AGAP1: variants seen among roughly 807,000 people sequenced by gnomAD.
AGAP1 encodes the protein ArfGAP with GTPase domain, ankyrin repeat and PH domain 1.
In AGAP1, 29 loss-of-function variants were observed where a neutral mutation model predicts 105.3. That is an observed-to-expected ratio of 0.28 (90% CI 0.21 to 0.38). The LOEUF is 0.38. Among genes scored for constraint, AGAP1 ranks in the 10% least tolerant of loss-of-function variants. The pLI, the probability that AGAP1 is intolerant of heterozygous loss-of-function variation, is 1.00. For missense variants in AGAP1, 998 were observed against 1,165.1 expected, an observed-to-expected ratio of 0.86 and a Z score of 2.09; for synonymous variants, 509 against 485.9, an observed-to-expected ratio of 1.05 and a Z score of -0.63.
chr2:236,048,152 T>C (rs1406248397), intron 15 of AGAP1, among the ~76,000 whole-genome samples: 1 of 152,216 alleles, frequency 6.6e-6, no homozygotes, highest in Non-Finnish European at 1.5e-5. Context: ...CGTATTTACT[T>C]AACAGTGGTG....
Position 235,740,884 on chromosome 2 carries a change from C to A in AGAP1, c.311-79C>A. 1 of 1,577,076 alleles carries A rather than the reference C, an allele frequency of 6.3e-7. No individual in the cohort carries two copies. The highest frequency in any genetic ancestry group is 8.7e-7 in the Non-Finnish European group (1 of 1,150,536). Reference sequence around the variant, plus strand: ...GGCGACAGCCTAGGGTGTATTTTTCCACAAGCGAAGCCCACGTCTGTCTGC... The same window carrying A: ...GGCGACAGCCTAGGGTGTATTTTTCAACAAGCGAAGCCCACGTCTGTCTGC... On this transcript the variant is annotated intron_variant, in intron 3 of 17. Coordinates refer to ENST00000304032, the MANE Select transcript of AGAP1 (RefSeq NM_001037131.3). This position sits in a 1 kb window ranked among gnomAD's most constrained non-coding sequence, Gnocchi z 5.7.
At chr2:236,019,238 T>TG (rs2056809084) in intron 13 of AGAP1, among the ~76,000 whole-genome samples, 1 of 152,188 alleles carries the variant, frequency 6.6e-6, no homozygotes, top group Non-Finnish European at 1.5e-5. Context: ...GATGCGCCAT[T>TG]GCCTGCGCTG....
At position 235,959,509 on chromosome 2, in the gene AGAP1, G is replaced by C. The variant is rs866082332; in HGVS notation, c.1484-8953G>C. Among the ~76,000 whole-genome samples the C allele has an allele frequency of 6.6e-6, 1 of 152,140 alleles. No individual in the cohort carries two copies. The highest frequency in any genetic ancestry group is 1.9e-4 in the East Asian group (1 of 5,186). On this transcript the variant is annotated intron_variant, in intron 12 of 17. Coordinates refer to ENST00000304032, the MANE Select transcript of AGAP1 (RefSeq NM_001037131.3). The surrounding 1 kb of genome is among the most constrained non-coding windows in gnomAD (Gnocchi z 7.3). ...CTCAGCGCCCAGTGGACGGGAACCC[G>C]GTCCTTCTTGCCATGAGAACACCCA... is the stretch of plus-strand genomic sequence containing the variant.
intron 1 of AGAP1, among the ~76,000 whole-genome samples, chr2:235,522,828 G>A (rs997516722): frequency 1.3e-5 from 2 of 152,144 alleles, no homozygotes; most frequent in Non-Finnish European, 2.9e-5. Flanking sequence ...CTGTTAGAGC[G>A]ATTTGTCCTG....
chr2:235,780,491 G>T (rs1236152337), intron 6 of AGAP1, among the ~76,000 whole-genome samples: 7 of 152,140 alleles, frequency 4.6e-5, no homozygotes, highest in Non-Finnish European at 1.0e-4. Flanking sequence ...AGTGCAGCAA[G>T]CACACCACAG....
At chr2:235,506,488 C>T (rs999017422) in intron 1 of AGAP1, among the ~76,000 whole-genome samples, 1 of 151,430 alleles carries the variant, frequency 6.6e-6, no homozygotes. Flanking sequence ...CACTGCGCTC[C>T]ACCCTGGGTG....
intron 1 of AGAP1, among the ~76,000 whole-genome samples, chr2:235,522,726 G>A (rs925592638): frequency 1.3e-5 from 2 of 152,218 alleles, no homozygotes; most frequent in Non-Finnish European, 2.9e-5. Context: ...CAAGCAAGAT[G>A]GGAGTAAGGG....
At chr2:235,619,854 G>A (rs1166417436) in intron 1 of AGAP1, among the ~76,000 whole-genome samples, 4 of 152,172 alleles carry the variant, frequency 2.6e-5, no homozygotes, top group African/African-American at 9.7e-5. Context: ...CAAGGGCCCT[G>A]TTCTACTTTT....
At chr2:235,694,411 A>G (rs983628087) in intron 1 of AGAP1, among the ~76,000 whole-genome samples, 19 of 150,946 alleles carry the variant, frequency 1.3e-4, no homozygotes, top group Non-Finnish European at 2.7e-4. Flanking sequence ...CACGGGAGGC[A>G]GAGCTTGCAG....
chr2:235,905,102 C>T lies in AGAP1; in HGVS notation c.1156-3636C>T, dbSNP rs1385849489. On this transcript the variant is annotated intron_variant, in intron 10 of 17. Coordinates refer to ENST00000304032, the MANE Select transcript of AGAP1 (RefSeq NM_001037131.3). This position sits in a 1 kb window ranked among gnomAD's most constrained non-coding sequence, Gnocchi z 4.2. The stretch of plus-strand genomic sequence containing the variant: ...GCCGCTTTCGAATCTGGAGAGCAGA[C>T]ACTTGGTACATTTCTATAATAATTT... Among the ~76,000 whole-genome samples, 2 of 151,994 alleles carry T rather than the reference C, an allele frequency of 1.3e-5. No homozygotes were observed. Among genetic ancestry groups the T allele is most frequent in the Non-Finnish European group, 2.9e-5 (2 of 68,004 alleles).
rs1044483381 is a variant in AGAP1 at position 235,994,806 on chromosome 2, C to T, written c.1645+26183C>T. On this transcript the variant is annotated intron_variant, in intron 13 of 17. Transcript: ENST00000304032. The surrounding 1 kb of genome is among the most constrained non-coding windows in gnomAD (Gnocchi z 4.4). ...AATAGGCCGGGCCCAATGGCTCACACCTGTAATCCTAGCACTTTGGGAGGC... is the reference window on the plus strand; with the variant it reads ...AATAGGCCGGGCCCAATGGCTCACATCTGTAATCCTAGCACTTTGGGAGGC... Among the ~76,000 whole-genome samples, 2 of 151,142 alleles carry T rather than the reference C, an allele frequency of 1.3e-5. No homozygotes were observed. The highest frequency in any genetic ancestry group is 1.9e-4 in the East Asian group (1 of 5,158).
Position 235,930,650 on chromosome 2 carries a change from T to A in AGAP1, c.1325-115T>A. ...TTTGCCATGCAGGCAGGACAGGGGC[T>A]GCTCTCGGTGGTAAGGTGCACTATG... On this transcript the variant is annotated intron_variant, in intron 11 of 17. Transcript: ENST00000304032. This position sits in a 1 kb window ranked among gnomAD's most constrained non-coding sequence, Gnocchi z 7.9. The A allele has an allele frequency of 9.4e-7, 1 of 1,067,818 alleles. No homozygotes were observed. 66.1% of individuals were successfully genotyped at this position (1,067,818 alleles called of 1,614,324 possible).
intron 11 of AGAP1, among the ~76,000 whole-genome samples, chr2:235,929,598 A>T (rs1340734637): frequency 6.6e-6 from 1 of 150,436 alleles, no homozygotes; most frequent in Non-Finnish European, 1.5e-5. Context: ...ACTACGCTTC[A>T]GCTCGTGGTT....
chr2:235,657,957 G>T (rs988530750), intron 1 of AGAP1, among the ~76,000 whole-genome samples: 2 of 152,140 alleles, frequency 1.3e-5, no homozygotes, highest in Admixed American at 1.3e-4. Flanking sequence ...TGTCCAAGCC[G>T]AGAGACCTCA....
chr2:235,539,144 G>A lies in AGAP1; in HGVS notation c.163+44295G>A, dbSNP rs76137674. ...TGCGTTGGTCTCAAGACCTTGTGCA[G>A]CCTCGCAGAGATTGCTCTGCACACA... On this transcript the variant is annotated intron_variant, in intron 1 of 17. Coordinates refer to ENST00000304032, the MANE Select transcript of AGAP1 (RefSeq NM_001037131.3). Among the ~76,000 whole-genome samples, 1,200 of 152,330 alleles carry A rather than the reference G, an allele frequency of 7.9e-3. 16 individuals are homozygous for A. The highest frequency in any genetic ancestry group is 0.027 in the African/African-American group (1,123 of 41,564).
chr2:235,743,705 A>C (rs1375572935), intron 4 of AGAP1, among the ~76,000 whole-genome samples: 1 of 152,268 alleles, frequency 6.6e-6, no homozygotes, highest in Admixed American at 6.5e-5. Flanking sequence ...GACCAAATGT[A>C]TTAGAGGTGA....
intron 3 of AGAP1, among the ~76,000 whole-genome samples, chr2:235,718,925 C>T (rs776170970): frequency 4.6e-5 from 7 of 152,150 alleles, no homozygotes; most frequent in East Asian, 1.9e-4. Flanking sequence ...TGGGTTTTGA[C>T]GGCTTTTATT....
chr2:235,511,017 C>T (rs1385497869), intron 1 of AGAP1, among the ~76,000 whole-genome samples: 2 of 151,876 alleles, frequency 1.3e-5, no homozygotes, highest in Non-Finnish European at 1.5e-5. Context: ...CGGTGTATGG[C>T]GTGCAAGCAT....
intron 1 of AGAP1, among the ~76,000 whole-genome samples, chr2:235,579,172 T>C (rs1186327351): frequency 2.0e-5 from 3 of 152,184 alleles, no homozygotes; most frequent in African/African-American, 7.2e-5. Context: ...GGGCGCACTG[T>C]GTCAGCCCCT....
Sources: allele counts gnomAD v4.1 joint callset (sites outside exome capture counted in the v4.1 genomes callset), GRCh38; gene constraint gnomAD v4.1.1; non-coding constraint Gnocchi (gnomAD v3.1); transcripts MANE v1.5; gene names NCBI Gene and HGNC (gene_info 2026-07-23, HGNC 2026-07-21).